SCAMP1: variants seen among roughly 807,000 people sequenced by gnomAD.
SCAMP1 encodes the protein secretory carrier membrane protein 1.
Under a neutral mutation model 41.8 loss-of-function variants are expected in SCAMP1, and 15 were observed. The ratio of observed to expected loss-of-function variants is 0.36; its 90% CI spans 0.24 to 0.55. The LOEUF is 0.55. Among genes scored for constraint, SCAMP1 ranks in the 20% least tolerant of loss-of-function variants. The pLI is 0.86. For synonymous variants in SCAMP1, 135 were observed against 136.8 expected, an observed-to-expected ratio of 0.99 and a Z score of 0.09; for missense variants, 341 against 412.6, an observed-to-expected ratio of 0.83 and a Z score of 1.50.
chr5:78,454,224 A>G (rs1262202982), intron 7 of SCAMP1, among the ~76,000 whole-genome samples: 2 of 152,074 alleles, frequency 1.3e-5, no homozygotes, highest in African/African-American at 4.8e-5. Flanking sequence ...ACTATGTTGA[A>G]TAGGAGTGGT....
intron 5 of SCAMP1, among the ~76,000 whole-genome samples, chr5:78,419,364 G>C (rs183892164): frequency 1.7e-4 from 26 of 152,278 alleles, no homozygotes; most frequent in African/African-American, 6.0e-4. Flanking sequence ...TTTGAGTACA[G>C]TTTACTTTTT....
chr5:78,361,173 G>T, intron 1 of SCAMP1: 1 of 176,714 alleles, frequency 5.7e-6, no homozygotes, highest in Non-Finnish European at 1.2e-5. Flanking sequence ...GGAGAGCTGC[G>T]TGGGGTGATG....
At chr5:78,474,695 A>G (rs917016619) in intron 8 of SCAMP1, among the ~76,000 whole-genome samples, 5 of 152,274 alleles carry the variant, frequency 3.3e-5, no homozygotes, top group Non-Finnish European at 5.9e-5. Flanking sequence ...TGTAATTACC[A>G]GTATCTTTCT....
intron 1 of SCAMP1, among the ~76,000 whole-genome samples, chr5:78,367,871 A>G (rs905931332): frequency 5.9e-5 from 9 of 152,114 alleles, no homozygotes; most frequent in African/African-American, 1.9e-4. Flanking sequence ...ATGTTTCTTG[A>G]TTAGGGCCCA....
At chr5:78,387,613 A>G (rs1167600315) in intron 1 of SCAMP1, among the ~76,000 whole-genome samples, 1 of 152,104 alleles carries the variant, frequency 6.6e-6, no homozygotes, top group Non-Finnish European at 1.5e-5. Context: ...CTGGAACTCA[A>G]GGGCTGCTGT....
intron 1 of SCAMP1, among the ~76,000 whole-genome samples, chr5:78,383,739 GGTAA>G (rs2112075154): frequency 1.3e-5 from 2 of 152,082 alleles, no homozygotes; most frequent in East Asian, 3.9e-4. Flanking sequence ...ATCAGCTGAC[GGTAA>G]GTATTTGGGT....
At chr5:78,365,339 T>C (rs1248027963) in intron 1 of SCAMP1, among the ~76,000 whole-genome samples, 3 of 151,744 alleles carry the variant, frequency 2.0e-5, no homozygotes, top group Non-Finnish European at 4.4e-5. Flanking sequence ...CTTGGCGTGG[T>C]GGCGGGCACC....
At chr5:78,437,824 G>T (rs1343343943) in intron 6 of SCAMP1, among the ~76,000 whole-genome samples, 1 of 152,162 alleles carries the variant, frequency 6.6e-6, no homozygotes, top group East Asian at 1.9e-4. Context: ...ATAGAATTCG[G>T]CTGTGAATCC....
chr5:78,449,702 C>A (rs191190251), intron 6 of SCAMP1, among the ~76,000 whole-genome samples: 1 of 152,088 alleles, frequency 6.6e-6, no homozygotes, highest in Admixed American at 6.5e-5. Flanking sequence ...AAAGTTTGTC[C>A]TTGTGAGGTT....
At chr5:78,429,938 C>A (rs1268122507) in intron 6 of SCAMP1, among the ~76,000 whole-genome samples, 1 of 150,634 alleles carries the variant, frequency 6.6e-6, no homozygotes, top group Non-Finnish European at 1.5e-5. Flanking sequence ...TTTTCCCCAA[C>A]ACACATGCAT....
intron 7 of SCAMP1, among the ~76,000 whole-genome samples, chr5:78,450,275 A>G (rs73135727): frequency 0.028 from 4,322 of 152,238 alleles, 222 homozygotes; most frequent in African/African-American, 0.097. Context: ...TAAAACATGT[A>G]TGTAAGGGCG....
At chr5:78,372,969 A>G (rs1750976930) in intron 1 of SCAMP1, among the ~76,000 whole-genome samples, 1 of 152,114 alleles carries the variant, frequency 6.6e-6, no homozygotes, top group South Asian at 2.1e-4. Context: ...GGAACTATTA[A>G]TATAAGAAAC....
intron 1 of SCAMP1, among the ~76,000 whole-genome samples, chr5:78,380,369 A>G (rs1326144528): frequency 6.6e-6 from 1 of 152,208 alleles, no homozygotes; most frequent in Non-Finnish European, 1.5e-5. Context: ...GGTATTGCCA[A>G]CTTGCCCTCC....
At chr5:78,456,714 G>C (rs1753414821) in intron 7 of SCAMP1, among the ~76,000 whole-genome samples, 1 of 150,876 alleles carries the variant, frequency 6.6e-6, no homozygotes, top group Non-Finnish European at 1.5e-5. Flanking sequence ...TGTATTTCCT[G>C]AATCTGAGCG....
At position 78,475,819 on chromosome 5, in the gene SCAMP1, C is replaced by A. The variant is rs1216009569; in HGVS notation, c.*151C>A. 2.1e-6 allele frequency: 1 copy of A among 482,288 alleles called. No homozygotes were observed. Among genetic ancestry groups the A allele is most frequent in the East Asian group, 3.6e-5 (1 of 27,498 alleles). 29.9% of individuals were successfully genotyped at this position (482,288 alleles called of 1,614,324 possible). Reference sequence around the variant, plus strand: ...CATGGGCTAAAACCAGGAAAACTTCCTTGTCTTATTACTTTACCTAATAGT... The same window carrying A: ...CATGGGCTAAAACCAGGAAAACTTCATTGTCTTATTACTTTACCTAATAGT... On this transcript the variant is annotated 3_prime_UTR_variant, in exon 9 of 9. Coordinates refer to ENST00000621999, the MANE Select transcript of SCAMP1 (RefSeq NM_004866.6).
At chr5:78,462,890 T>C (rs1456955884) in intron 8 of SCAMP1, among the ~76,000 whole-genome samples, 1 of 152,236 alleles carries the variant, frequency 6.6e-6, no homozygotes, top group Non-Finnish European at 1.5e-5. Flanking sequence ...AACACCTATG[T>C]TTTAAATGAA....
At chr5:78,389,254 G>A (rs1019649940) in intron 2 of SCAMP1, among the ~76,000 whole-genome samples, 1 of 151,976 alleles carries the variant, frequency 6.6e-6, no homozygotes, top group East Asian at 1.9e-4. Context: ...GATAATGTGG[G>A]GTGATTTTTT....
intron 1 of SCAMP1, among the ~76,000 whole-genome samples, chr5:78,370,089 A>G (rs529930789): frequency 6.6e-6 from 1 of 152,306 alleles, no homozygotes; most frequent in Admixed American, 6.5e-5. Flanking sequence ...TTCTTTCTGT[A>G]TATATCTTTA....
intron 7 of SCAMP1, chr5:78,457,686 T>G (rs193065796): frequency 0.033 from 5,140 of 153,874 alleles, 121 homozygotes; most frequent in Middle Eastern, 0.052. Context: ...AGGCAGGCAG[T>G]CCTCCTTGAG....
Sources: gnomAD v4.1 joint callset for allele counts (sites outside exome capture counted in the v4.1 genomes callset) on GRCh38, gnomAD v4.1.1 for gene constraint, MANE v1.5 for transcripts, NCBI Gene and HGNC (gene_info 2026-07-23, HGNC 2026-07-21) for gene names.